Variants in ESD observed in about 807,000 individuals in gnomAD.
ESD encodes the protein S-formylglutathione hydrolase.
ESD carries 34 observed loss-of-function variants against 38.1 expected under a neutral mutation model. That is an observed-to-expected ratio of 0.89 (90% confidence interval 0.68 to 1.19). ESD has a LOEUF of 1.19. Ranked by LOEUF, ESD falls within the 50% of genes most tolerant of loss-of-function variation. The probability of loss-of-function intolerance (pLI) is 0.00; values close to 1 mark genes in which losing one functional copy is unlikely to be tolerated. For synonymous variants in ESD, 97 were observed against 107.0 expected, an observed-to-expected ratio of 0.91 and a Z score of 0.58; for missense variants, 334 against 327.2, an observed-to-expected ratio of 1.02 and a Z score of -0.16.
chr13:46,772,886 A>T (rs565374039), intron 9 of ESD, among the ~76,000 whole-genome samples: 1 of 152,162 alleles, frequency 6.6e-6, no homozygotes, highest in Admixed American at 6.5e-5. Flanking sequence ...GGGTTTCGCC[A>T]TGTTAGCCAG....
intron 3 of ESD, among the ~76,000 whole-genome samples, chr13:46,788,465 C>T (rs1258299702): frequency 2.0e-5 from 3 of 151,928 alleles, no homozygotes; most frequent in Admixed American, 6.6e-5. Flanking sequence ...GTTATCAATA[C>T]GTAAAATCAA....
chr13:46,773,189 T>C (rs957175846), intron 9 of ESD, among the ~76,000 whole-genome samples: 3 of 152,182 alleles, frequency 2.0e-5, no homozygotes, highest in Admixed American at 2.0e-4. Context: ...TAGTATTGAA[T>C]AGTACTGTAG....
chr13:46,795,210 C>G (rs1477714435), intron 1 of ESD, among the ~76,000 whole-genome samples: 2 of 152,146 alleles, frequency 1.3e-5, no homozygotes, highest in Non-Finnish European at 2.9e-5. Flanking sequence ...TAAAACTTAG[C>G]CTCTTCCTTT....
At chr13:46,787,993 G>A (rs978714769) in intron 3 of ESD, among the ~76,000 whole-genome samples, 1 of 151,776 alleles carries the variant, frequency 6.6e-6, no homozygotes, top group African/African-American at 2.4e-5. Flanking sequence ...AAGGATTTTA[G>A]TTAACTTTCA....
intron 8 of ESD, 61 bp downstream of exon 8, chr13:46,779,874 C>T: frequency 1.5e-6 from 2 of 1,343,074 alleles, no homozygotes; most frequent in Non-Finnish European, 2.1e-6. Context: ...AATATATGTC[C>T]AACCTTTTAA....
At chr13:46,796,912 T>A (rs959749227) in intron 1 of ESD, among the ~76,000 whole-genome samples, 193 bp downstream of exon 1, 2 of 152,202 alleles carry the variant, frequency 1.3e-5, no homozygotes, top group Non-Finnish European at 2.9e-5. Context: ...GAGGCGAGGC[T>A]CCGGGTCACG....
At chr13:46,783,332 T>C (rs1162346684) in intron 5 of ESD, among the ~76,000 whole-genome samples, 1 of 151,996 alleles carries the variant, frequency 6.6e-6, no homozygotes, top group Admixed American at 6.6e-5. Context: ...CACTGGAATT[T>C]TCTTATGTTT....
chr13:46,791,004 G>C (rs1190557080), intron 3 of ESD, among the ~76,000 whole-genome samples: 1 of 152,136 alleles, frequency 6.6e-6, no homozygotes, highest in Non-Finnish European at 1.5e-5. Flanking sequence ...TGTTTAGTGT[G>C]CCATCTTTCT....
chr13:46,789,053 T>C (rs916920685), intron 3 of ESD, among the ~76,000 whole-genome samples: 41 of 152,320 alleles, frequency 2.7e-4, no homozygotes, highest in African/African-American at 9.6e-4. Flanking sequence ...TGAAGTTTTA[T>C]TAATTAGCTA....
chr13:46,772,157 T>C (rs2138279902), intron 9 of ESD, among the ~76,000 whole-genome samples: 1 of 152,286 alleles, frequency 6.6e-6, no homozygotes, highest in East Asian at 1.9e-4. Context: ...TGTATCTTTA[T>C]GTGAGGGGAA....
At chr13:46,773,033 C>CCAA (rs1874666788) in intron 9 of ESD, among the ~76,000 whole-genome samples, 1 of 152,144 alleles carries the variant, frequency 6.6e-6, no homozygotes, top group African/African-American at 2.4e-5. Context: ...ATAATGGCTT[C>CCAA]CAACTCCATC....
intron 9 of ESD, among the ~76,000 whole-genome samples, chr13:46,773,096 C>T (rs1456196594): frequency 6.6e-6 from 1 of 152,144 alleles, no homozygotes; most frequent in Non-Finnish European, 1.5e-5. Flanking sequence ...GTACAGTATT[C>T]CATGGTGCAT....
intron 9 of ESD, chr13:46,775,454 T>A: frequency 3.5e-6 from 1 of 282,678 alleles, no homozygotes; most frequent in Non-Finnish European, 7.3e-6. Flanking sequence ...TTTCAGCTTA[T>A]TTTTTACAGC....
rs752246538 is a variant in ESD, at chr13:46,777,630, AAAGAG to A, written c.601-12_601-8del. ...GGTGGGTAGCATCATAAGCCTGTAA[AAAGAG>A]AAGTAACATTGAAAAATAAATTCAA... is the stretch of plus-strand genomic sequence containing the variant. On this transcript the variant is annotated splice_polypyrimidine_tract_variant and splice_region_variant and intron_variant, in intron 8 of 9. Transcript: ENST00000378720. 2.5e-6 allele frequency: 4 copies of A among 1,588,520 alleles called. No homozygotes were observed. In the African/African-American group the frequency reaches 5.4e-5, roughly 22 times the overall value.
chr13:46,782,877 C>T (rs1875058342), intron 5 of ESD, 86 bp from the exon 6 acceptor site: 2 of 1,481,902 alleles, frequency 1.3e-6, no homozygotes, highest in East Asian at 4.6e-5. Context: ...TCTGCAAGTC[C>T]ATTTGCATGG....
intron 8 of ESD, 112 bp downstream of exon 8, chr13:46,779,823 G>A: frequency 2.3e-6 from 1 of 438,534 alleles, no homozygotes; most frequent in Non-Finnish European, 4.0e-6. Context: ...TTGCTAATTT[G>A]TCTCAGCTCT....
chr13:46,783,860 G>A (rs1923890), intron 5 of ESD, among the ~76,000 whole-genome samples: 18,305 of 151,914 alleles, frequency 0.12, 1,245 homozygotes, highest in East Asian at 0.19. Context: ...TATGGTTGAT[G>A]TTAACAGAGA....
intron 7 of ESD, 41 bp downstream of exon 7, chr13:46,781,455 T>A (rs767990050): frequency 3.3e-6 from 5 of 1,511,074 alleles, no homozygotes; most frequent in Non-Finnish European, 3.6e-6. Flanking sequence ...ATTATGTTAT[T>A]CAAGAGAAAT....
intron 1 of ESD, among the ~76,000 whole-genome samples, chr13:46,795,886 T>C (rs1032372103): frequency 1.3e-5 from 2 of 152,018 alleles, no homozygotes; most frequent in African/African-American, 4.8e-5. Flanking sequence ...TCTGGAGTAG[T>C]TGGGACCACA....
Sources: gnomAD v4.1 joint callset for allele counts (sites outside exome capture counted in the v4.1 genomes callset) on GRCh38, gnomAD v4.1.1 for gene constraint, MANE v1.5 for transcripts, NCBI Gene and HGNC (gene_info 2026-07-23, HGNC 2026-07-21) for gene names.